Variants in PACRGL observed in about 807,000 individuals in gnomAD.
The protein encoded by PACRGL is parkin coregulated like.
In PACRGL, 38 loss-of-function variants were observed where a neutral mutation model predicts 34.5. The ratio of observed to expected loss-of-function variants is 1.10; its 90% CI spans 0.85 to 1.44. PACRGL has a LOEUF of 1.44. Ranked by LOEUF, PACRGL falls within the 40% of genes most tolerant of loss-of-function variation. The pLI, the probability that PACRGL is intolerant of heterozygous loss-of-function variation, is 0.00. For missense variants in PACRGL, 305 were observed against 281.4 expected, an observed-to-expected ratio of 1.08 and a Z score of -0.60; for synonymous variants, 128 against 100.1, an observed-to-expected ratio of 1.28 and a Z score of -1.66.
intron 8 of PACRGL, among the ~76,000 whole-genome samples, chr4:20,738,759 C>T (rs1206292631): frequency 6.6e-6 from 1 of 152,080 alleles, no homozygotes; most frequent in Non-Finnish European, 1.5e-5. Context: ...GTGGATGCAG[C>T]CCACAGAGTG....
the PACRGL span, among the ~76,000 whole-genome samples, chr4:20,761,683 G>C: frequency 7.2e-5 from 11 of 152,134 alleles, no homozygotes; most frequent in Admixed American, 7.2e-4. Flanking sequence ...CAACAAATTT[G>C]TTAGCTGCCT....
chr4:20,716,782 C>G (rs921712380), intron 7 of PACRGL, among the ~76,000 whole-genome samples: 1 of 152,090 alleles, frequency 6.6e-6, no homozygotes, highest in Non-Finnish European at 1.5e-5. Flanking sequence ...TGAATAGTGC[C>G]GCAATAAACA....
upstream of PACRGL, among the ~76,000 whole-genome samples, chr4:20,698,436 A>C (rs369482195): frequency 2.0e-5 from 3 of 152,170 alleles, no homozygotes; most frequent in African/African-American, 4.8e-5. Context: ...CCTATCGCCC[A>C]ACTCAGCGTC....
chr4:20,707,852 A>G lies in PACRGL; in HGVS notation c.257A>G (p.Lys86Arg). The G allele has an allele frequency of 6.2e-7, 1 of 1,613,356 alleles. No homozygotes were observed. The highest frequency in any genetic ancestry group is 8.5e-7 in the Non-Finnish European group (1 of 1,179,324). ...VPSAFAAIYSKGGIPCRLVHG... is the reference protein window; with the variant it reads ...VPSAFAAIYSRGGIPCRLVHG... ...TCTGCATTTGCAGCTATTTACTCTA[A>G]AGGAGGTATTCCTTGCAGGTAAAAT... is the stretch of plus-strand genomic sequence containing the variant. The change falls in exon 4 of 9, where the codon AAA becomes AGA. Residue 86 changes from lysine to arginine, a missense_variant. Lys to Arg is a conservative substitution (Grantham distance 26). Transcript: ENST00000503585.
At chr4:20,763,465 C>T in the PACRGL span, among the ~76,000 whole-genome samples, 5,734 of 152,146 alleles carry the variant, frequency 0.038, 161 homozygotes, top group South Asian at 0.056. Context: ...AGGAAAAGAA[C>T]GCTGAAAAGA....
At chr4:20,736,485 C>T (rs1431998092), downstream of PACRGL, among the ~76,000 whole-genome samples, 1 of 152,078 alleles carries the variant, frequency 6.6e-6, no homozygotes, top group Non-Finnish European at 1.5e-5. Flanking sequence ...TGTCAATTTG[C>T]TGACATACGT....
chr4:20,731,731 A>G lies in PACRGL; in HGVS notation c.*4390A>G. The G allele has an allele frequency of 2.0e-6, 2 of 985,382 alleles. No homozygotes were observed. Among genetic ancestry groups the G allele is most frequent in the Non-Finnish European group, 2.4e-6 (2 of 829,906 alleles). 61.0% of individuals were successfully genotyped at this position (985,382 alleles called of 1,614,324 possible). ...TCTCATGTATGTTTTATCCTCCATG[A>G]ATACTCTCTAAGGAATTTGGGAATC... is the stretch of plus-strand genomic sequence containing the variant. On this transcript the variant is annotated 3_prime_UTR_variant, in exon 9 of 9. Transcript: ENST00000503585.
At chr4:20,715,353 G>A (rs1426822766) in intron 7 of PACRGL, among the ~76,000 whole-genome samples, 4 of 151,840 alleles carry the variant, frequency 2.6e-5, no homozygotes, top group South Asian at 2.1e-4. Context: ...CAGCACACCA[G>A]CATGGCACAT....
At chr4:20,744,244 C>T (rs1385640609) in intron 8 of PACRGL, among the ~76,000 whole-genome samples, 7 of 152,332 alleles carry the variant, frequency 4.6e-5, no homozygotes, top group South Asian at 2.1e-4. Context: ...TTTGACCCAG[C>T]AATCCCATTA....
Position 20,731,299 on chromosome 4 carries a change from C to A in PACRGL, c.*3958C>A, listed in dbSNP as rs1748131992. On this transcript the variant is annotated 3_prime_UTR_variant, in exon 9 of 9. Coordinates refer to ENST00000503585, the MANE Select transcript of PACRGL (RefSeq NM_001258345.3). ...ATGTTGCCCACATTGGACTCAAAAT[C>A]CTGGCCTTAAGTTATCTTCCCGCCT... The A allele has an allele frequency of 1.4e-6, 1 of 724,280 alleles. No homozygotes were observed. Among genetic ancestry groups the A allele is most frequent in the Non-Finnish European group, 1.7e-6 (1 of 591,548 alleles). The allele number at this position is 724,280 out of a possible 1,614,324, so 44.9% of individuals were successfully genotyped here.
At chr4:20,764,033 C>T in the PACRGL span, among the ~76,000 whole-genome samples, 1 of 152,174 alleles carries the variant, frequency 6.6e-6, no homozygotes, top group Non-Finnish European at 1.5e-5. Context: ...CAGTAGGGTT[C>T]CTGGGTTTAG....
chr4:20,718,742 T>G (rs1254072908), intron 7 of PACRGL: 2 of 152,262 alleles, frequency 1.3e-5, no homozygotes, highest in African/African-American at 4.8e-5. Flanking sequence ...GCCAGTAATT[T>G]ATTGAGGATT....
At position 20,707,853 on chromosome 4, in the gene PACRGL, A is replaced by AG. The variant is rs1454139638; in HGVS notation, c.260dup (p.Gly88ArgfsTer22). Reference sequence around the variant, plus strand: ...CTGCATTTGCAGCTATTTACTCTAAAGGAGGTATTCCTTGCAGGTAAAATC... The same window carrying AG: ...CTGCATTTGCAGCTATTTACTCTAAAGGGAGGTATTCCTTGCAGGTAAAATC... On this transcript the variant is annotated frameshift_variant, in exon 4 of 9. Transcript: ENST00000503585. LOFTEE classifies it high-confidence loss of function. 8.1e-6 allele frequency: 13 copies of AG among 1,613,214 alleles called. No individual in the cohort carries two copies. The highest frequency in any genetic ancestry group is 1.0e-5 in the Non-Finnish European group (12 of 1,179,308).
intron 8 of PACRGL, among the ~76,000 whole-genome samples, chr4:20,752,189 G>T (rs1753777750): frequency 6.6e-6 from 1 of 151,242 alleles, no homozygotes; most frequent in South Asian, 2.1e-4. Flanking sequence ...CTCCTGAGTA[G>T]CTGGGATTAC....
chr4:20,755,769 G>A (rs1270681135), downstream of PACRGL, among the ~76,000 whole-genome samples: 1 of 152,122 alleles, frequency 6.6e-6, no homozygotes, highest in Non-Finnish European at 1.5e-5. Context: ...GAGATATTGA[G>A]ATAGATATTT....
At chr4:20,726,353 A>G (rs1745626363) in intron 8 of PACRGL, among the ~76,000 whole-genome samples, 1 of 152,170 alleles carries the variant, frequency 6.6e-6, no homozygotes, top group Non-Finnish European at 1.5e-5. Flanking sequence ...AAGATTTTGT[A>G]GCTACAAGGG....
At chr4:20,703,226 G>T (rs1732993801) in intron 1 of PACRGL, among the ~76,000 whole-genome samples, 1 of 152,160 alleles carries the variant, frequency 6.6e-6, no homozygotes, top group African/African-American at 2.4e-5. Context: ...TACCTGTGTT[G>T]TCCTAAGGGA....
chr4:20,760,187 A>AC, the PACRGL span, among the ~76,000 whole-genome samples: 1 of 152,154 alleles, frequency 6.6e-6, no homozygotes, highest in Non-Finnish European at 1.5e-5. Flanking sequence ...ATTCTCATGA[A>AC]CAGTCCCATG....
chr4:20,746,795 T>G (rs1485342860), intron 8 of PACRGL, among the ~76,000 whole-genome samples: 1 of 152,158 alleles, frequency 6.6e-6, no homozygotes, highest in Admixed American at 6.5e-5. Context: ...CCTCCTATCA[T>G]ATTTCTTCTG....
Sources: gnomAD v4.1 joint callset for allele counts (sites outside exome capture counted in the v4.1 genomes callset) on GRCh38, gnomAD v4.1.1 for gene constraint, MANE v1.5 for transcripts, NCBI Gene and HGNC (gene_info 2026-07-23, HGNC 2026-07-21) for gene names.